FHOD3: variants seen among roughly 807,000 people sequenced by gnomAD.
FHOD3 encodes FH1/FH2 domain-containing protein 3.
Under a neutral mutation model 173.0 loss-of-function variants are expected in FHOD3, and 90 were observed. That is an observed-to-expected ratio of 0.52 (90% confidence interval 0.44 to 0.62). FHOD3 has a LOEUF of 0.62. Among genes scored for constraint, FHOD3 ranks in the 20% least tolerant of loss-of-function variants. The probability of loss-of-function intolerance (pLI) is 0.00; values close to 1 mark genes in which losing one functional copy is unlikely to be tolerated. For missense variants in FHOD3, 1,945 were observed against 2,034.7 expected, an observed-to-expected ratio of 0.96 and a Z score of 0.85; for synonymous variants, 828 against 823.0, an observed-to-expected ratio of 1.01 and a Z score of -0.10.
intron 20 of FHOD3, among the ~76,000 whole-genome samples, chr18:36,740,023 A>T (rs968553561): frequency 1.3e-5 from 2 of 152,230 alleles, no homozygotes; most frequent in Non-Finnish European, 2.9e-5. Context: ...ACTTTAAAAA[A>T]TGTAATCACA....
At chr18:36,567,548 G>A (rs1354097754) in intron 5 of FHOD3, among the ~76,000 whole-genome samples, 1 of 152,180 alleles carries the variant, frequency 6.6e-6, no homozygotes, top group Non-Finnish European at 1.5e-5. Context: ...CTATTCAATT[G>A]TCCTTCCCAA....
At chr18:36,466,772 G>A (rs1191992767) in intron 3 of FHOD3, among the ~76,000 whole-genome samples, 1 of 152,126 alleles carries the variant, frequency 6.6e-6, no homozygotes, top group Non-Finnish European at 1.5e-5. Flanking sequence ...TCCATTTGGT[G>A]GGAGTCAGAG....
chr18:36,734,185 G>A (rs139812394), intron 20 of FHOD3, among the ~76,000 whole-genome samples: 154 of 152,294 alleles, frequency 1.0e-3, no homozygotes, highest in African/African-American at 3.4e-3. Flanking sequence ...TTATTGCATC[G>A]TGAGTCCTCA....
chr18:36,613,242 G>C (rs2032872465), intron 9 of FHOD3, among the ~76,000 whole-genome samples: 1 of 152,254 alleles, frequency 6.6e-6, no homozygotes, highest in Non-Finnish European at 1.5e-5. Context: ...TGGCAGACAT[G>C]CATGTTGTAC....
At chr18:36,590,079 C>T (rs1431237111) in intron 6 of FHOD3, among the ~76,000 whole-genome samples, 1 of 152,214 alleles carries the variant, frequency 6.6e-6, no homozygotes, top group Non-Finnish European at 1.5e-5. Context: ...GTGACACTCT[C>T]TCTTGCTGCC....
chr18:36,647,757 C>G (rs991978453), intron 10 of FHOD3, among the ~76,000 whole-genome samples: 3 of 152,290 alleles, frequency 2.0e-5, no homozygotes, highest in Admixed American at 2.0e-4. Context: ...GAATGATCTT[C>G]AAGTATACGT....
rs1319646442 is a variant in FHOD3 at position 36,715,021 on chromosome 18, C to T, written c.2534-2811C>T. ...GCTGAATGAAGCTCCCAATGCTGAC[C>T]TCCCAGGCCTGGGTCTGCTGCCACA... On this transcript the variant is annotated intron_variant, in intron 18 of 28. Transcript: ENST00000590592. 2.0e-5 allele frequency among the ~76,000 whole-genome samples: 3 copies of T among 152,248 alleles called. No homozygotes were observed. The East Asian group carries it at 5.8e-4, about 29-fold the overall frequency.
chr18:36,750,278 A>C (rs2042348058), intron 24 of FHOD3, among the ~76,000 whole-genome samples: 1 of 151,528 alleles, frequency 6.6e-6, no homozygotes, highest in Non-Finnish European at 1.5e-5. Context: ...ACAGAGGAAG[A>C]CTCCATCTCA....
At chr18:36,719,991 C>T (rs530164825) in intron 19 of FHOD3, among the ~76,000 whole-genome samples, 1 of 152,284 alleles carries the variant, frequency 6.6e-6, no homozygotes, top group South Asian at 2.1e-4. Context: ...TTTCCAGCCT[C>T]AGGAATCTCC....
intron 23 of FHOD3, among the ~76,000 whole-genome samples, chr18:36,745,984 T>C (rs2042140717): frequency 6.6e-6 from 1 of 151,976 alleles, no homozygotes; most frequent in Non-Finnish European, 1.5e-5. Context: ...ACTTACCTAT[T>C]TCTTCCTCCG....
At chr18:36,495,495 A>G (rs1479081297) in intron 3 of FHOD3, among the ~76,000 whole-genome samples, 1 of 152,214 alleles carries the variant, frequency 6.6e-6, no homozygotes, top group Non-Finnish European at 1.5e-5. Flanking sequence ...GGATTCGCAT[A>G]TAGGTGAAGC....
rs538362769 is a variant in FHOD3, at chr18:36,455,508, A to G, written c.338-46424A>G. Among the ~76,000 whole-genome samples the G allele has an allele frequency of 3.9e-5, 6 of 152,210 alleles. 1 individual carries two copies. The highest frequency in any genetic ancestry group is 1.4e-4 in the African/African-American group (6 of 41,532). On this transcript the variant is annotated intron_variant, in intron 3 of 28. Transcript: ENST00000590592. Reference sequence around the variant, plus strand: ...TTCTTTCAAAAGAGAACTTTTTAGCACAATTTTATTAGGAGAGATTTATTT... The same window carrying G: ...TTCTTTCAAAAGAGAACTTTTTAGCGCAATTTTATTAGGAGAGATTTATTT...
intron 2 of FHOD3, among the ~76,000 whole-genome samples, chr18:36,371,994 G>T (rs555803945): frequency 1.6e-4 from 24 of 152,282 alleles, no homozygotes; most frequent in African/African-American, 4.3e-4. Flanking sequence ...TCTACCAACT[G>T]CTCCGTGCTT....
chr18:36,386,015 C>T (rs1438120805), intron 3 of FHOD3, among the ~76,000 whole-genome samples: 2 of 152,188 alleles, frequency 1.3e-5, no homozygotes, highest in Non-Finnish European at 1.5e-5. Flanking sequence ...ACGTTATGCT[C>T]TAAGCATTAT....
At chr18:36,492,653 G>A (rs946947316) in intron 3 of FHOD3, among the ~76,000 whole-genome samples, 1 of 152,098 alleles carries the variant, frequency 6.6e-6, no homozygotes, top group Non-Finnish European at 1.5e-5. Context: ...AGGGAATTGG[G>A]ATTTCAATAA....
chr18:36,717,541 G>T (rs1247454357), intron 18 of FHOD3, among the ~76,000 whole-genome samples: 7 of 152,094 alleles, frequency 4.6e-5, no homozygotes, highest in Admixed American at 4.6e-4. Context: ...GTCCTGACCC[G>T]CTGCCTTGGG....
At chr18:36,598,116 G>A (rs2030778475) in intron 7 of FHOD3, among the ~76,000 whole-genome samples, 1 of 152,170 alleles carries the variant, frequency 6.6e-6, no homozygotes, top group Non-Finnish European at 1.5e-5. Context: ...GGTGCCAGAG[G>A]TGATTTAGGG....
intron 18 of FHOD3, among the ~76,000 whole-genome samples, chr18:36,717,533 C>G (rs2040524304): frequency 6.6e-6 from 1 of 152,110 alleles, no homozygotes; most frequent in African/African-American, 2.4e-5. Flanking sequence ...CTGAGTAGGT[C>G]CTGACCCGCT....
At chr18:36,540,881 C>A (rs960766756) in intron 5 of FHOD3, among the ~76,000 whole-genome samples, 6 of 152,160 alleles carry the variant, frequency 3.9e-5, no homozygotes, top group Non-Finnish European at 8.8e-5. Context: ...TATTGGTGTA[C>A]CCGCAACAAC....
Sources: allele counts gnomAD v4.1 joint callset (sites outside exome capture counted in the v4.1 genomes callset), GRCh38; gene constraint gnomAD v4.1.1; transcripts MANE v1.5; gene names NCBI Gene and HGNC (gene_info 2026-07-23, HGNC 2026-07-21).